The following DOCK10 variants were observed in gnomAD, a reference collection of about 807,000 sequenced individuals.
DOCK10 encodes the protein dedicator of cytokinesis 10, also known as dedicator of cytokinesis protein 10.
Under a neutral mutation model 280.1 loss-of-function variants are expected in DOCK10, and 145 were observed. The observed-to-expected ratio is 0.52, with a 90% confidence interval of 0.45 to 0.59. DOCK10 has a LOEUF of 0.59. Among genes scored for constraint, DOCK10 ranks in the 20% least tolerant of loss-of-function variants. DOCK10 has a pLI of 0.00. For synonymous variants in DOCK10, 915 were observed against 942.2 expected (o/e 0.97, Z 0.53); for missense variants, 2,368 against 2,651.7 (o/e 0.89, Z 2.35).
chr2:224,972,172 T>C (rs1237656297), intron 1 of DOCK10, among the ~76,000 whole-genome samples: 1 of 152,214 alleles, frequency 6.6e-6, no homozygotes, highest in East Asian at 1.9e-4. Context: ...AAAGTGACTA[T>C]CAGAATTGGA....
intron 3 of DOCK10, among the ~76,000 whole-genome samples, chr2:224,902,868 C>T (rs1033691744): frequency 6.6e-6 from 1 of 151,964 alleles, no homozygotes; most frequent in Non-Finnish European, 1.5e-5. Flanking sequence ...CCAACGCGGG[C>T]AGATCATGAG....
At chr2:225,029,521 C>G (rs1196177561) in intron 1 of DOCK10, among the ~76,000 whole-genome samples, 2 of 152,204 alleles carry the variant, frequency 1.3e-5, no homozygotes, top group Non-Finnish European at 2.9e-5. Flanking sequence ...ATGTTTATGA[C>G]TGTACAATCT....
chr2:224,911,109 A>G (rs1354270836), intron 3 of DOCK10, among the ~76,000 whole-genome samples: 1 of 152,104 alleles, frequency 6.6e-6, no homozygotes, highest in Non-Finnish European at 1.5e-5. Context: ...TTTGGGATCT[A>G]GGGCGAAAGG....
At chr2:224,795,320 C>T (rs1256911263) in intron 44 of DOCK10, among the ~76,000 whole-genome samples, 2 of 152,166 alleles carry the variant, frequency 1.3e-5, no homozygotes, top group African/African-American at 4.8e-5. Context: ...TCAAGAACAC[C>T]TTCTTCTGGT....
At position 224,881,719 on chromosome 2, in the gene DOCK10, G is replaced by A. The variant is rs142343602; in HGVS notation, c.747+3952C>T. Among the ~76,000 whole-genome samples the A allele has an allele frequency of 3.2e-3, 494 of 152,270 alleles. 1 individual carries two copies. Among genetic ancestry groups the A allele is most frequent in the African/African-American group, 0.011 (453 of 41,564 alleles). Reference sequence around the variant, plus strand: ...ATATATTAGATGAAGAAAACCACAAGTATAATTTTGGTTCTTATTGTTCTC... The same window carrying A: ...ATATATTAGATGAAGAAAACCACAAATATAATTTTGGTTCTTATTGTTCTC... On this transcript the variant is annotated intron_variant, in intron 7 of 55. Coordinates refer to ENST00000258390, the MANE Select transcript of DOCK10 (RefSeq NM_014689.3).
chr2:224,869,496 A>C, intron 11 of DOCK10, among the ~76,000 whole-genome samples: 1 of 152,132 alleles, frequency 6.6e-6, no homozygotes, highest in East Asian at 1.9e-4. Context: ...ATAAATAAAC[A>C]CTGATTTTTA....
chr2:225,037,313 G>A (rs1471385550), intron 1 of DOCK10, among the ~76,000 whole-genome samples: 1 of 152,168 alleles, frequency 6.6e-6, no homozygotes, highest in Non-Finnish European at 1.5e-5. Context: ...ACCTGGAGCA[G>A]CCTCTGCTAT....
intron 30 of DOCK10, among the ~76,000 whole-genome samples, chr2:224,815,662 C>T (rs900909009): frequency 1.3e-5 from 2 of 152,092 alleles, no homozygotes; most frequent in East Asian, 3.9e-4. Flanking sequence ...CTCCAGAATA[C>T]TAGTGTAAGC....
At chr2:224,849,653 G>C in intron 18 of DOCK10, 54 bp from the exon 19 acceptor site, 1 of 1,324,232 alleles carries the variant, frequency 7.6e-7, no homozygotes, top group Non-Finnish European at 1.1e-6. Context: ...TTATCCCTGG[G>C]TGAAAAAAAA....
intron 7 of DOCK10, among the ~76,000 whole-genome samples, chr2:224,876,930 T>C (rs1698665867): frequency 6.6e-6 from 1 of 152,204 alleles, no homozygotes; most frequent in South Asian, 2.1e-4. Flanking sequence ...CCAATTCCTT[T>C]CCTGGCTCTG....
intron 1 of DOCK10, among the ~76,000 whole-genome samples, chr2:225,007,373 G>A (rs1322288019): frequency 4.6e-5 from 7 of 152,140 alleles, no homozygotes; most frequent in Non-Finnish European, 1.0e-4. Context: ...AGTCCATGAG[G>A]CCAACATTGT....
chr2:224,807,506 A>G, intron 33 of DOCK10, 162 bp downstream of exon 33: 1 of 560,956 alleles, frequency 1.8e-6, no homozygotes, highest in East Asian at 2.9e-5. Flanking sequence ...AAAGGGACCT[A>G]TCTGGAACAA....
Position 224,833,310 on chromosome 2 carries a change from G to A in DOCK10, c.2964+840C>T, listed in dbSNP as rs374702506. Among the ~76,000 whole-genome samples the A allele has an allele frequency of 1.1e-4, 17 of 151,970 alleles. No homozygotes were observed. In the South Asian group the frequency reaches 2.1e-3, roughly 19 times the overall value. On this transcript the variant is annotated intron_variant, in intron 26 of 55. Coordinates refer to ENST00000258390, the MANE Select transcript of DOCK10 (RefSeq NM_014689.3). The stretch of plus-strand genomic sequence containing the variant: ...CTCCAGTGGCTTCCATGACTTCATC[G>A]TCCATCTTTTTTTTTTCTTTCTGCT...
At chr2:224,821,446 G>C (rs1055301280) in intron 28 of DOCK10, among the ~76,000 whole-genome samples, 1 of 152,180 alleles carries the variant, frequency 6.6e-6, no homozygotes, top group African/African-American at 2.4e-5. Context: ...TTGAGCATCT[G>C]AAAACTCAAA....
intron 29 of DOCK10, among the ~76,000 whole-genome samples, chr2:224,818,642 C>T (rs1694310230): frequency 6.6e-6 from 1 of 152,122 alleles, no homozygotes; most frequent in Admixed American, 6.5e-5. Flanking sequence ...TCGTGATCCG[C>T]CCACCTCGGC....
intron 27 of DOCK10, among the ~76,000 whole-genome samples, chr2:224,830,230 A>T (rs946394998): frequency 3.3e-5 from 5 of 151,992 alleles, no homozygotes; most frequent in African/African-American, 1.2e-4. Flanking sequence ...TTCCTAGCCA[A>T]TCCTCCTTCC....
intron 9 of DOCK10, 33 bp downstream of exon 9, chr2:224,874,633 T>C (rs367557128): frequency 7.6e-6 from 12 of 1,571,306 alleles, no homozygotes; most frequent in South Asian, 6.7e-5. Flanking sequence ...ATAATTCAAA[T>C]TGGTTTTGCA....
intron 4 of DOCK10, among the ~76,000 whole-genome samples, chr2:224,892,335 G>T (rs1699722752): frequency 7.0e-6 from 1 of 142,698 alleles, no homozygotes; most frequent in African/African-American, 2.6e-5. Context: ...AGAGGTGGAG[G>T]TTGCGGTGAG....
chr2:224,794,978 C>T lies in DOCK10; in HGVS notation c.5055G>A (p.Gln1685=). The change falls in exon 45 of 56, where the codon CAG becomes CAA. Residue 1685 remains glutamine, a synonymous_variant. Coordinates refer to ENST00000258390, the MANE Select transcript of DOCK10 (RefSeq NM_014689.3). ...TTGCGTAGGAGTTTGCCAGGCTGTA[C>T]TGGAGATCCACCAGCATCTCGGGGT... ...EKDPEMLVDL[Q]YSLANSYAST... is the part of the protein sequence containing the mutation. 4 of 1,613,932 alleles carry T rather than the reference C, an allele frequency of 2.5e-6. No individual in the cohort carries two copies. The highest frequency in any genetic ancestry group is 3.4e-6 in the Non-Finnish European group (4 of 1,179,866).
Sources: allele counts gnomAD v4.1 joint callset (sites outside exome capture counted in the v4.1 genomes callset), GRCh38; gene constraint gnomAD v4.1.1; transcripts MANE v1.5; gene names NCBI Gene and HGNC (gene_info 2026-07-23, HGNC 2026-07-21).